The following FAXDC2 variants were observed in gnomAD, a reference collection of about 807,000 sequenced individuals.
FAXDC2 encodes fatty acid hydroxylase domain containing 2.
A neutral mutation model predicts 40.9 loss-of-function variants in FAXDC2; 41 were observed. That is an observed-to-expected ratio of 1.00 (90% CI 0.78 to 1.30). The LOEUF (loss-of-function observed/expected upper bound fraction) is 1.30, where lower values mean the gene tolerates loss of function less well. Among genes scored for constraint, FAXDC2 ranks in the 50% most tolerant of loss-of-function variants. The probability of loss-of-function intolerance (pLI) is 0.00; values close to 1 mark genes in which losing one functional copy is unlikely to be tolerated. For synonymous variants in FAXDC2, 157 were observed against 149.3 expected (o/e 1.05, Z -0.38); for missense variants, 390 against 408.8 (o/e 0.95, Z 0.40).
At chr5:154,839,507 G>T (rs1030157511) in intron 1 of FAXDC2, among the ~76,000 whole-genome samples, 1 of 151,776 alleles carries the variant, frequency 6.6e-6, no homozygotes, top group African/African-American at 2.4e-5. Context: ...AATTAGCCAG[G>T]TGTGGTAGCA....
intron 7 of FAXDC2, 103 bp from the exon 8 acceptor site, chr5:154,821,529 C>G: frequency 2.4e-6 from 2 of 842,174 alleles, no homozygotes; most frequent in Non-Finnish European, 3.6e-6. Flanking sequence ...ACTTCCTTGA[C>G]CCAGATCTGG....
At chr5:154,838,250 A>C in intron 1 of FAXDC2, 72 bp from the exon 2 acceptor site, 1 of 1,434,528 alleles carries the variant, frequency 7.0e-7, no homozygotes. Context: ...GAGTGGAGAA[A>C]GTCAAAGTGT....
chr5:154,822,147 A>G (rs1053691002), intron 7 of FAXDC2: 2 of 238,740 alleles, frequency 8.4e-6, no homozygotes, highest in African/African-American at 4.5e-5. Context: ...GGTCTCAGCT[A>G]TTTGGAAGAC....
intron 2 of FAXDC2, among the ~76,000 whole-genome samples, chr5:154,835,746 A>G (rs1009323995): frequency 1.3e-5 from 2 of 151,010 alleles, no homozygotes; most frequent in Non-Finnish European, 2.9e-5. Context: ...ACACCCGGCT[A>G]ATTTTTTTGT....
At chr5:154,828,398 A>G (rs909200680) in intron 5 of FAXDC2, among the ~76,000 whole-genome samples, 2 of 152,102 alleles carry the variant, frequency 1.3e-5, no homozygotes, top group South Asian at 2.1e-4. Context: ...GGAAAAGAAG[A>G]TACAAGAAAG....
chr5:154,828,540 G>A (rs1334819732), intron 5 of FAXDC2, among the ~76,000 whole-genome samples: 3 of 151,616 alleles, frequency 2.0e-5, no homozygotes, highest in African/African-American at 7.3e-5. Context: ...TGCAGGTACT[G>A]GTCACTGCCC....
intron 3 of FAXDC2, 38 bp from the exon 4 acceptor site, chr5:154,834,766 G>T (rs1227516488): frequency 6.3e-7 from 1 of 1,597,196 alleles, no homozygotes; most frequent in Non-Finnish European, 8.6e-7. Flanking sequence ...GAAGACTAGT[G>T]GGTGGACAGC....
At chr5:154,832,481 G>C (rs1377583391) in intron 4 of FAXDC2, among the ~76,000 whole-genome samples, 1 of 152,066 alleles carries the variant, frequency 6.6e-6, no homozygotes, top group Non-Finnish European at 1.5e-5. Context: ...GATTACAGGC[G>C]TGAGCCACTG....
chr5:154,819,849 G>A lies in FAXDC2; in HGVS notation c.*467C>T, dbSNP rs1759834070. On this transcript the variant is annotated 3_prime_UTR_variant, in exon 9 of 9. Coordinates refer to ENST00000326080, the MANE Select transcript of FAXDC2 (RefSeq NM_032385.5). ...CTTGGCTCTGGCCTGAGTCGGGTAT[G>A]TGAAAGCCTTTTGGGGCAGGAAGGG... is the stretch of plus-strand genomic sequence containing the variant. The A allele has an allele frequency of 6.4e-6, 1 of 156,672 alleles. No individual in the cohort carries two copies. Among genetic ancestry groups the A allele is most frequent in the Non-Finnish European group, 1.4e-5 (1 of 71,068 alleles). The allele number at this position is 156,672 out of a possible 1,614,324, so 9.7% of individuals were successfully genotyped here.
At chr5:154,830,510 C>T in intron 5 of FAXDC2, 1 of 295,754 alleles carries the variant, frequency 3.4e-6, no homozygotes, top group Non-Finnish European at 6.5e-6. Context: ...GAGTTGCCTG[C>T]CTTCTCAGTG....
At chr5:154,823,307 C>T (rs1582519460) in intron 6 of FAXDC2, 80 bp downstream of exon 6, 1 of 1,350,306 alleles carries the variant, frequency 7.4e-7, no homozygotes, top group South Asian at 1.2e-5. Context: ...AGTCACTGCA[C>T]CTGGCCTCAG....
In FAXDC2 at chr5:154,820,421, A is replaced by G; in HGVS notation, c.897T>C (p.Thr299=). The G allele has an allele frequency of 1.9e-6, 3 of 1,613,164 alleles. No individual in the cohort carries two copies. The highest frequency in any genetic ancestry group is 1.1e-5 in the South Asian group (1 of 91,072). ...CCTTGGTCTGCTTGAACATGGTGTCAGTCCCATGGAGGTGGTCCAGCACAC... is the reference window on the plus strand; with the variant it reads ...CCTTGGTCTGCTTGAACATGGTGTCGGTCCCATGGAGGTGGTCCAGCACAC... The part of the protein sequence containing the change: ...VLGVLDHLHG[T]DTMFKQTKAY... Residue 299 remains threonine (T), a synonymous_variant, in exon 9 of 9, where the codon ACT becomes ACC. Coordinates refer to ENST00000326080, the MANE Select transcript of FAXDC2 (RefSeq NM_032385.5).
intron 4 of FAXDC2, among the ~76,000 whole-genome samples, chr5:154,831,862 G>A (rs1375770287): frequency 1.3e-5 from 2 of 151,932 alleles, no homozygotes; most frequent in East Asian, 3.9e-4. Flanking sequence ...ATGCATAAAT[G>A]TCCGTCACAG....
intron 3 of FAXDC2, 33 bp from the exon 4 acceptor site, chr5:154,834,761 C>T (rs747966879): frequency 6.9e-6 from 11 of 1,603,928 alleles, no homozygotes; most frequent in Non-Finnish European, 9.4e-6. Flanking sequence ...TGGGTGAAGA[C>T]TAGTGGGTGG....
chr5:154,830,845 T>G lies in FAXDC2; in HGVS notation c.322A>C (p.Asn108His). The G allele has an allele frequency of 1.2e-6, 2 of 1,614,154 alleles. No individual in the cohort carries two copies. Among genetic ancestry groups the G allele is most frequent in the Non-Finnish European group, 1.7e-6 (2 of 1,180,014 alleles). Residue 108 changes from asparagine to histidine, a missense_variant, in exon 5 of 9, where the codon AAC becomes CAC. Transcript: ENST00000326080. Reference protein sequence around the residue: ...LLVVDTTGKPNFISRYRIQVG... With the variant: ...LLVVDTTGKPHFISRYRIQVG... ...TGAATTCGGTAGCGAGAGATGAAGT[T>G]AGGTTTTCCTGTTGTGTCAACCACC...
intron 5 of FAXDC2, chr5:154,830,571 G>T: frequency 2.3e-6 from 1 of 439,496 alleles, no homozygotes; most frequent in Non-Finnish European, 4.2e-6. Context: ...CAGAGCCTGG[G>T]CCAGGAATCA....
At chr5:154,827,030 C>T (rs909771961) in intron 5 of FAXDC2, among the ~76,000 whole-genome samples, 7 of 152,030 alleles carry the variant, frequency 4.6e-5, no homozygotes, top group East Asian at 1.9e-4. Flanking sequence ...GATGGCCGGG[C>T]GTGGTGTCTC....
chr5:154,839,325 C>CAAA (rs746822715), intron 1 of FAXDC2, among the ~76,000 whole-genome samples: 1 of 92,782 alleles, frequency 1.1e-5, no homozygotes, highest in African/African-American at 4.0e-5. Flanking sequence ...GACTCCATCT[C>CAAA]AAAAAAAAAA....
At chr5:154,833,751 C>G (rs892725895) in intron 4 of FAXDC2, among the ~76,000 whole-genome samples, 1 of 151,778 alleles carries the variant, frequency 6.6e-6, no homozygotes, top group Non-Finnish European at 1.5e-5. Context: ...TCACTGCAAC[C>G]CGCCTCCCAG....
Sources: gnomAD v4.1 joint callset for allele counts (sites outside exome capture counted in the v4.1 genomes callset) on GRCh38, gnomAD v4.1.1 for gene constraint, MANE v1.5 for transcripts, NCBI Gene and HGNC (gene_info 2026-07-23, HGNC 2026-07-21) for gene names.